CIMIP1: variants seen among roughly 807,000 people sequenced by gnomAD.
CIMIP1 encodes the protein low in lung cancer 1.
chr20:58,160,005 A>G, the CIMIP1 span, among the ~76,000 whole-genome samples: 1 of 152,332 alleles, frequency 6.6e-6, no homozygotes, highest in Middle Eastern at 3.4e-3. Context: ...CTGCTAGAAC[A>G]AATGTCCCGC....
the CIMIP1 span, chr20:58,155,320 T>C: frequency 3.7e-5 from 23 of 615,528 alleles, no homozygotes; most frequent in Middle Eastern, 2.9e-4. Flanking sequence ...GCCCCACTTC[T>C]GTGTCTATAA....
the CIMIP1 span, chr20:58,160,847 G>A: frequency 6.3e-7 from 1 of 1,599,362 alleles, no homozygotes; most frequent in Admixed American, 1.7e-5. Context: ...CTGCCCAGGG[G>A]TGCTGCATAT....
At chr20:58,152,058 C>A in the CIMIP1 span, among the ~76,000 whole-genome samples, 1 of 152,214 alleles carries the variant, frequency 6.6e-6, no homozygotes. Flanking sequence ...CCTTGTAAAA[C>A]CTCTATTAGT....
the CIMIP1 span, chr20:58,155,656 G>C: frequency 9.2e-7 from 1 of 1,091,344 alleles, no homozygotes; most frequent in East Asian, 2.5e-5. Context: ...GATGGCTCCA[G>C]ATGTGCAAAG....
chr20:58,151,327 TA>T, the CIMIP1 span, among the ~76,000 whole-genome samples: 6 of 151,998 alleles, frequency 3.9e-5, no homozygotes, highest in Non-Finnish European at 2.9e-5. Context: ...GAAATCCAAC[TA>T]ACATGTTCAT....
At chr20:58,153,654 T>C in the CIMIP1 span, 23 of 1,427,536 alleles carry the variant, frequency 1.6e-5, 1 homozygote, top group Middle Eastern at 3.3e-3. Flanking sequence ...AGCCCCAAGG[T>C]TACAGAATCA....
chr20:58,153,143 C>T, the CIMIP1 span, among the ~76,000 whole-genome samples: 2 of 152,180 alleles, frequency 1.3e-5, no homozygotes, highest in East Asian at 1.9e-4. Context: ...AAATGCTCCA[C>T]GTCAAGGTCA....
chr20:58,150,959 G>C, the CIMIP1 span: 5 of 1,602,428 alleles, frequency 3.1e-6, no homozygotes, highest in African/African-American at 6.7e-5. Flanking sequence ...AGAGCCCCCA[G>C]GCCTCATGGC....
the CIMIP1 span, chr20:58,160,816 G>C: frequency 6.2e-7 from 1 of 1,611,796 alleles, no homozygotes; most frequent in East Asian, 2.2e-5. Flanking sequence ...AGCAGGGCGT[G>C]CACTGAATCC....
chr20:58,151,603 C>T, the CIMIP1 span, among the ~76,000 whole-genome samples: 1 of 151,992 alleles, frequency 6.6e-6, no homozygotes, highest in Non-Finnish European at 1.5e-5. Flanking sequence ...TTAGTAGAGA[C>T]GGGCTTTCAC....
chr20:58,155,203 G>C, the CIMIP1 span, among the ~76,000 whole-genome samples: 2 of 152,258 alleles, frequency 1.3e-5, no homozygotes, highest in African/African-American at 4.8e-5. Context: ...AGCAGCAGGA[G>C]GGGATGGAGA....
At chr20:58,154,513 T>G in the CIMIP1 span, among the ~76,000 whole-genome samples, 1 of 152,248 alleles carries the variant, frequency 6.6e-6, no homozygotes, top group Non-Finnish European at 1.5e-5. Context: ...TATCTATGAT[T>G]CACAGCAGTG....
the CIMIP1 span, among the ~76,000 whole-genome samples, chr20:58,151,360 C>G: frequency 1.3e-5 from 2 of 150,628 alleles, no homozygotes; most frequent in Admixed American, 1.3e-4. Flanking sequence ...TTCTTCAAAT[C>G]TCAGCATCCA....
At chr20:58,153,428 C>A in the CIMIP1 span, 30 of 755,556 alleles carry the variant, frequency 4.0e-5, no homozygotes, top group Non-Finnish European at 5.5e-5. Context: ...GCTCCTCACT[C>A]CGTCCCTGGT....
the CIMIP1 span, chr20:58,151,110 A>G: frequency 7.3e-7 from 1 of 1,375,796 alleles, no homozygotes; most frequent in African/African-American, 1.4e-5. Context: ...CAGTTTCCCC[A>G]CCAAGTCCGG....
chr20:58,153,505 T>C, the CIMIP1 span: 4 of 1,543,206 alleles, frequency 2.6e-6, no homozygotes, highest in Admixed American at 5.0e-5. Flanking sequence ...CTTGAACCTT[T>C]TTCCGTGTTG....
chr20:58,154,396 G>A, the CIMIP1 span, among the ~76,000 whole-genome samples: 4 of 152,236 alleles, frequency 2.6e-5, no homozygotes, highest in African/African-American at 9.6e-5. Context: ...GAAATGAAAT[G>A]CTTATGTGGG....
chr20:58,153,767 C>T, the CIMIP1 span: 1 of 645,060 alleles, frequency 1.6e-6, no homozygotes, highest in Non-Finnish European at 2.7e-6. Flanking sequence ...CAGAAGGTTC[C>T]CGCCTTTCAC....
At chr20:58,153,494 C>G in the CIMIP1 span, 1 of 1,404,012 alleles carries the variant, frequency 7.1e-7, no homozygotes. Context: ...CCCACAGACC[C>G]CTTGAACCTT....
Sources: gnomAD v4.1 joint callset for allele counts (sites outside exome capture counted in the v4.1 genomes callset) on GRCh38, gnomAD v4.1.1 for gene constraint, MANE v1.5 for transcripts, NCBI Gene and HGNC (gene_info 2026-07-23, HGNC 2026-07-21) for gene names.